ZNG1A: variants seen among roughly 807,000 people sequenced by gnomAD.
ZNG1A encodes zinc-regulated GTPase metalloprotein activator 1A.
At chr9:178,686 C>T in the ZNG1A span, 1 of 1,009,944 alleles carries the variant, frequency 9.9e-7, no homozygotes, top group Non-Finnish European at 1.5e-6. Flanking sequence ...GCAAGTGACC[C>T]AGCCCCGACC....
chr9:154,819 T>G, the ZNG1A span: 2 of 1,416,224 alleles, frequency 1.4e-6, no homozygotes, highest in Non-Finnish European at 1.9e-6. Context: ...CAGAGAAATG[T>G]TAAGAAACTT....
At chr9:148,862 T>C in the ZNG1A span, 1 of 148,574 alleles carries the variant, frequency 6.7e-6, no homozygotes, top group East Asian at 1.9e-4. Flanking sequence ...CAGCTACTGC[T>C]TAGGGATATT....
At chr9:143,474 G>T in the ZNG1A span, among the ~76,000 whole-genome samples, 16 of 113,528 alleles carry the variant, frequency 1.4e-4, no homozygotes, top group Middle Eastern at 0.016. Flanking sequence ...TGCAGAAAAG[G>T]CCTTTGACAA....
chr9:127,081 G>A, the ZNG1A span, among the ~76,000 whole-genome samples: 1 of 151,998 alleles, frequency 6.6e-6, no homozygotes, highest in Non-Finnish European at 1.5e-5. Flanking sequence ...ATTTATTGAG[G>A]CTCATTTTGT....
chr9:141,932 A>T, the ZNG1A span, among the ~76,000 whole-genome samples: 1 of 151,428 alleles, frequency 6.6e-6, no homozygotes, highest in Admixed American at 6.6e-5. Flanking sequence ...ACAAAGATCA[A>T]AAGAGACAAA....
chr9:178,435 T>G, the ZNG1A span, among the ~76,000 whole-genome samples: 1 of 130,562 alleles, frequency 7.7e-6, no homozygotes, highest in Admixed American at 7.9e-5. Flanking sequence ...TGGCAACAGG[T>G]AGGTGGTTCC....
At chr9:146,144 T>C in the ZNG1A span, 1 of 1,569,136 alleles carries the variant, frequency 6.4e-7, no homozygotes, top group Non-Finnish European at 8.6e-7. Flanking sequence ...ATCTAATACA[T>C]TAGAGAGATC....
the ZNG1A span, among the ~76,000 whole-genome samples, chr9:120,880 A>G: frequency 6.6e-6 from 1 of 152,200 alleles, no homozygotes; most frequent in Non-Finnish European, 1.5e-5. Flanking sequence ...ACCACTCCCA[A>G]GAAAGTACAC....
the ZNG1A span, among the ~76,000 whole-genome samples, chr9:159,760 G>C: frequency 2.0e-5 from 3 of 151,410 alleles, no homozygotes; most frequent in African/African-American, 7.3e-5. Context: ...CTGTTGACCA[G>C]AGTGGAAATA....
At chr9:163,673 T>G in the ZNG1A span, among the ~76,000 whole-genome samples, 1 of 151,912 alleles carries the variant, frequency 6.6e-6, no homozygotes, top group African/African-American at 2.4e-5. Context: ...TCCCAGCACT[T>G]TGGGAGGCCG....
the ZNG1A span, chr9:146,245 T>A: frequency 1.4e-4 from 214 of 1,542,222 alleles, no homozygotes; most frequent in Middle Eastern, 2.3e-4. Context: ...ACTTAAAAAA[T>A]TTTATACATA....
the ZNG1A span, chr9:177,651 G>C: frequency 3.5e-6 from 5 of 1,431,110 alleles, no homozygotes; most frequent in South Asian, 1.3e-5. Flanking sequence ...CCTAGATTCA[G>C]CAACAAGGTT....
the ZNG1A span, chr9:122,449 C>T: frequency 9.0e-7 from 1 of 1,112,000 alleles, no homozygotes; most frequent in East Asian, 5.5e-5. Context: ...TATAATGTTT[C>T]ACAGTTTTCG....
chr9:140,291 T>C, the ZNG1A span, among the ~76,000 whole-genome samples: 3 of 151,914 alleles, frequency 2.0e-5, no homozygotes, highest in Admixed American at 2.0e-4. Flanking sequence ...GAGCAGTGGT[T>C]CTCCCAGCAC....
At chr9:160,577 G>C in the ZNG1A span, among the ~76,000 whole-genome samples, 14 of 151,032 alleles carry the variant, frequency 9.3e-5, no homozygotes, top group African/African-American at 2.9e-4. Context: ...TACTGTGTTT[G>C]CATTATTCAG....
chr9:142,283 T>C, the ZNG1A span, among the ~76,000 whole-genome samples: 5 of 115,140 alleles, frequency 4.3e-5, 1 homozygote, highest in Non-Finnish European at 8.4e-5. Context: ...ATTGACCACA[T>C]ACTTGGAAGT....
the ZNG1A span, among the ~76,000 whole-genome samples, chr9:176,550 C>T: frequency 7.2e-5 from 11 of 151,874 alleles, no homozygotes; most frequent in East Asian, 3.9e-4. Flanking sequence ...GAAGATTTTA[C>T]GGAGTATTAG....
chr9:126,646 A>C, the ZNG1A span, among the ~76,000 whole-genome samples: 1 of 151,822 alleles, frequency 6.6e-6, no homozygotes, highest in Non-Finnish European at 1.5e-5. Context: ...TATCTTTTCA[A>C]AGAACCAGCT....
chr9:175,894 A>G, the ZNG1A span: 3 of 1,417,226 alleles, frequency 2.1e-6, no homozygotes, highest in Non-Finnish European at 2.8e-6. Flanking sequence ...TTTTTCATAT[A>G]TTATTTTAGC....
Sources: allele counts gnomAD v4.1 joint callset (sites outside exome capture counted in the v4.1 genomes callset), GRCh38; gene constraint gnomAD v4.1.1; transcripts MANE v1.5; gene names NCBI Gene and HGNC (gene_info 2026-07-23, HGNC 2026-07-21).